The following UGT1A6 variants were observed in gnomAD, a reference collection of about 807,000 sequenced individuals.
The protein encoded by UGT1A6 is UDP glucuronosyltransferase family 1 member A6.
UGT1A6 carries 32 observed loss-of-function variants against 44.4 expected under a neutral mutation model. That is an observed-to-expected ratio of 0.72 (90% confidence interval 0.54 to 0.97). The LOEUF (loss-of-function observed/expected upper bound fraction) is 0.97. Among genes scored for constraint, UGT1A6 ranks in the 50% least tolerant of loss-of-function variants. The probability of loss-of-function intolerance (pLI) is 0.00; values close to 1 mark genes in which losing one functional copy is unlikely to be tolerated. For missense variants in UGT1A6, 685 were observed against 661.9 expected, an observed-to-expected ratio of 1.03 and a Z score of -0.38; for synonymous variants, 238 against 248.5, an observed-to-expected ratio of 0.96 and a Z score of 0.40.
At chr2:233,717,640 C>T (rs1343576181) in intron 1 of UGT1A6, among the ~76,000 whole-genome samples, 19 of 152,200 alleles carry the variant, frequency 1.2e-4, no homozygotes, top group South Asian at 2.1e-4. Flanking sequence ...CATCCTGGGG[C>T]GACCAGGACA....
intron 1 of UGT1A6, among the ~76,000 whole-genome samples, chr2:233,737,276 AC>A (rs2078858274): frequency 1.3e-5 from 2 of 152,320 alleles, no homozygotes; most frequent in South Asian, 2.1e-4. Flanking sequence ...GACACCCCTC[AC>A]CCAGCCAGGC....
chr2:233,769,597 C>T lies in UGT1A6; in HGVS notation c.1301+1158C>T, dbSNP rs772266725. 4 of 1,612,818 alleles carry T rather than the reference C, an allele frequency of 2.5e-6. No individual in the cohort carries two copies. Among genetic ancestry groups the T allele is most frequent in the Non-Finnish European group, 3.4e-6 (4 of 1,179,876 alleles). On this transcript the variant is annotated intron_variant, in intron 4 of 4. Transcript: ENST00000305139. The surrounding 1 kb of genome is among the most constrained non-coding windows in gnomAD (Gnocchi z 4.4). ...CATGTTCAGATGAGAGGAGACGGAACACGGGGACACACCAGCTTGAGCAAG... is the reference window on the plus strand; with the variant it reads ...CATGTTCAGATGAGAGGAGACGGAATACGGGGACACACCAGCTTGAGCAAG...
intron 1 of UGT1A6, among the ~76,000 whole-genome samples, chr2:233,724,368 T>C (rs1161929215): frequency 2.1e-4 from 26 of 126,786 alleles, no homozygotes; most frequent in South Asian, 9.2e-4. Context: ...CCGGACGGGG[T>C]GGCTGCCGGG....
intron 1 of UGT1A6, among the ~76,000 whole-genome samples, chr2:233,710,654 A>G (rs1019279657): frequency 1.3e-5 from 2 of 152,188 alleles, no homozygotes; most frequent in African/African-American, 4.8e-5. Flanking sequence ...TCTGGATACA[A>G]GTGCTATGTC....
At chr2:233,754,607 T>G (rs1695531840) in intron 1 of UGT1A6, 1 of 435,160 alleles carries the variant, frequency 2.3e-6, no homozygotes, top group Admixed American at 2.6e-5. Flanking sequence ...AACTCAACTC[T>G]CCATCTTCCT....
chr2:233,700,548 G>A (rs535853869), intron 1 of UGT1A6, among the ~76,000 whole-genome samples: 36 of 151,944 alleles, frequency 2.4e-4, no homozygotes, highest in African/African-American at 7.5e-4. Flanking sequence ...TGAGAATAAG[G>A]GGTTATAAAA....
At chr2:233,761,494 C>T (rs1189997049) in intron 1 of UGT1A6, among the ~76,000 whole-genome samples, 1 of 152,234 alleles carries the variant, frequency 6.6e-6, no homozygotes, top group Non-Finnish European at 1.5e-5. Context: ...GCACCTTGCC[C>T]TGGATTCAGT....
chr2:233,729,175 C>T (rs2077809820), intron 1 of UGT1A6: 1 of 1,613,710 alleles, frequency 6.2e-7, no homozygotes, highest in African/African-American at 1.3e-5. Context: ...CACAGGACTG[C>T]TGCTTCTCCT....
intron 1 of UGT1A6, among the ~76,000 whole-genome samples, chr2:233,727,282 A>G (rs1252298751): frequency 6.6e-6 from 1 of 152,100 alleles, no homozygotes; most frequent in African/African-American, 2.4e-5. Flanking sequence ...CAGACCCTGG[A>G]AGCTGATGAC....
At chr2:233,765,652 G>T (rs2126018835) in intron 1 of UGT1A6, among the ~76,000 whole-genome samples, 1 of 151,820 alleles carries the variant, frequency 6.6e-6, no homozygotes, top group East Asian at 1.9e-4. Context: ...GTCAATAGGT[G>T]CAGCAAACCA....
intron 1 of UGT1A6, among the ~76,000 whole-genome samples, chr2:233,735,584 T>C (rs2078671129): frequency 6.6e-6 from 1 of 152,234 alleles, no homozygotes; most frequent in Admixed American, 6.5e-5. Context: ...GCCCGTTAAT[T>C]GATGCAGTTT....
chr2:233,693,247 G>T lies in UGT1A6; in HGVS notation c.243G>T (p.Pro81=). 6 of 1,614,080 alleles carry T rather than the reference G, an allele frequency of 3.7e-6. No homozygotes were observed. Among genetic ancestry groups the T allele is most frequent in the Non-Finnish European group, 5.1e-6 (6 of 1,180,012 alleles). Residue 81 remains proline, a synonymous_variant, in exon 1 of 5, where the codon CCG becomes CCT. Coordinates refer to ENST00000305139, the MANE Select transcript of UGT1A6 (RefSeq NM_001072.4). ...ACACAAGAAAAATCTATCCAGTGCC[G>T]TATGACCAAGAAGAGCTGAAGAACC... is the stretch of plus-strand genomic sequence containing the variant. ...KYYTRKIYPV[P]YDQEELKNRY... is the part of the protein sequence containing the mutation.
chr2:233,747,312 G>T, intron 1 of UGT1A6: 1 of 1,603,228 alleles, frequency 6.2e-7, no homozygotes, highest in Non-Finnish European at 8.5e-7. Context: ...AGGTGCTGGT[G>T]GTACCCATTG....
chr2:233,719,459 C>T (rs758684998), intron 1 of UGT1A6: 2 of 1,613,896 alleles, frequency 1.2e-6, no homozygotes, highest in East Asian at 4.5e-5. Context: ...GGGTCAAGAA[C>T]ATGCTCTACC....
intron 1 of UGT1A6, among the ~76,000 whole-genome samples, chr2:233,702,805 A>G (rs1026483662): frequency 6.6e-6 from 1 of 152,244 alleles, no homozygotes; most frequent in African/African-American, 2.4e-5. Flanking sequence ...TTCCTAGAAT[A>G]ATCCCACTTG....
intron 1 of UGT1A6, among the ~76,000 whole-genome samples, chr2:233,723,472 A>G (rs1156962983): frequency 1.5e-5 from 2 of 137,344 alleles, no homozygotes; most frequent in African/African-American, 5.7e-5. Context: ...AGCCTCCCAA[A>G]GTGCTAGGAT....
intron 1 of UGT1A6, among the ~76,000 whole-genome samples, chr2:233,706,003 C>T (rs1335760458): frequency 6.6e-6 from 1 of 152,124 alleles, no homozygotes; most frequent in African/African-American, 2.4e-5. Context: ...GTGTGAGAAT[C>T]ACTTGCACTT....
intron 4 of UGT1A6, 43 bp from the exon 5 acceptor site, chr2:233,772,219 A>G (rs1474444531): frequency 6.2e-7 from 1 of 1,612,704 alleles, no homozygotes; most frequent in East Asian, 2.2e-5. Context: ...GATTGTTCAT[A>G]CCACAGGTGT....
chr2:233,767,725 G>T (rs930138004), intron 2 of UGT1A6, 124 bp from the exon 3 acceptor site: 2 of 1,552,620 alleles, frequency 1.3e-6, no homozygotes, highest in South Asian at 1.2e-5. Flanking sequence ...CACAGTTACT[G>T]ATCCTCCCAC....
Sources: gnomAD v4.1 joint callset for allele counts (sites outside exome capture counted in the v4.1 genomes callset) on GRCh38, gnomAD v4.1.1 for gene constraint, Gnocchi (gnomAD v3.1) non-coding constraint, MANE v1.5 for transcripts, NCBI Gene and HGNC (gene_info 2026-07-23, HGNC 2026-07-21) for gene names.